PLCH2: variants seen among roughly 807,000 people sequenced by gnomAD.
PLCH2 encodes the protein phospholipase C eta 2.
PLCH2 carries 98 observed loss-of-function variants against 134.7 expected under a neutral mutation model. The observed-to-expected ratio is 0.73, with a 90% CI of 0.62 to 0.86. The LOEUF (loss-of-function observed/expected upper bound fraction) is 0.86, where lower values mean the gene tolerates loss of function less well. Ranked by LOEUF, PLCH2 falls within the 40% of genes least tolerant of loss-of-function variation. The pLI is 0.00. For synonymous variants in PLCH2, 974 were observed against 827.5 expected, an observed-to-expected ratio of 1.18 and a Z score of -3.04; for missense variants, 1,994 against 1,986.6, an observed-to-expected ratio of 1.00 and a Z score of -0.07.
At chr1:2,421,258 C>A (rs1160421982), upstream of PLCH2, among the ~76,000 whole-genome samples, 1 of 152,066 alleles carries the variant, frequency 6.6e-6, no homozygotes, top group Non-Finnish European at 1.5e-5. Flanking sequence ...ACACTCTTAG[C>A]AGCTGTTGAG....
rs1642185246 is a variant in PLCH2, at chr1:2,484,469, C to A, written c.667C>A (p.Gln223Lys). The change falls in exon 5 of 22, where the codon CAA (glutamine) becomes AAA (lysine). Residue 223 changes from glutamine to lysine, a missense_variant. Gln to Lys is a moderately conservative substitution (Grantham distance 53). Coordinates refer to ENST00000378486, the MANE Select transcript of PLCH2 (RefSeq NM_014638.4). ...GCAGGAAGCGGACACGGATGACCAC[C>A]AAGGGACGCTGGGTTTTGAAGAGTT... is the stretch of plus-strand genomic sequence containing the variant. ...MFREADTDDH[Q>K]GTLGFEEFCA... is the part of the protein sequence containing the mutation. 2 of 1,613,162 alleles carry A rather than the reference C, an allele frequency of 1.2e-6. No homozygotes were observed. The highest frequency in any genetic ancestry group is 2.2e-5 in the South Asian group (2 of 91,080).
At chr1:2,452,189 T>G (rs569235769) in intron 2 of PLCH2, among the ~76,000 whole-genome samples, 2 of 152,214 alleles carry the variant, frequency 1.3e-5, no homozygotes, top group South Asian at 4.1e-4. Flanking sequence ...AGAAGGACGG[T>G]GGAGGCTGAG....
intron 2 of PLCH2, among the ~76,000 whole-genome samples, chr1:2,443,897 G>A (rs1389082470): frequency 1.3e-5 from 2 of 151,282 alleles, no homozygotes; most frequent in East Asian, 1.9e-4. Flanking sequence ...CGCAGCCCCC[G>A]CCCCCGCCGC....
chr1:2,505,016 C>A lies in PLCH2; in HGVS notation c.4054C>A (p.Arg1352=), dbSNP rs748068324. 3.9e-6 allele frequency: 6 copies of A among 1,542,276 alleles called. No homozygotes were observed. Among genetic ancestry groups the A allele is most frequent in the Non-Finnish European group, 5.2e-6 (6 of 1,150,458 alleles). The change falls in exon 22 of 22, where the codon CGG becomes AGG. Residue 1352 remains arginine, a synonymous_variant. Coordinates refer to ENST00000378486, the MANE Select transcript of PLCH2 (RefSeq NM_014638.4). ...CAGCCGCGTGCGTGCCATTGCCAGCCGGGCCCGCCAGGCCCAGGAGCGGCA... is the reference window on the plus strand; with the variant it reads ...CAGCCGCGTGCGTGCCATTGCCAGCAGGGCCCGCCAGGCCCAGGAGCGGCA... ...SHSRVRAIAS[R]ARQAQERQQR... is the part of the protein sequence containing the mutation.
upstream of PLCH2, among the ~76,000 whole-genome samples, chr1:2,424,758 C>T (rs192035404): frequency 1.3e-3 from 200 of 151,998 alleles, no homozygotes; most frequent in African/African-American, 2.5e-3. Context: ...GAGGCCAAGG[C>T]GGGCGGATCA....
At position 2,431,464 on chromosome 1, in the gene PLCH2, G is replaced by C. The variant is rs552653590; in HGVS notation, c.115+835G>C. 4.6e-5 allele frequency among the ~76,000 whole-genome samples: 7 copies of C among 152,298 alleles called. No homozygotes were observed. The South Asian group carries it at 1.5e-3, about 32-fold the overall frequency. On this transcript the variant is annotated intron_variant, in intron 2 of 3. Coordinates refer to the PLCH2 transcript ENST00000609981. ...CTGAGGGTGGAGCTGCGCCTGGGGA[G>C]CTGCACACAGCCCCTGCCGGGCTTG... is the stretch of plus-strand genomic sequence containing the variant.
At chr1:2,495,407 G>A in intron 12 of PLCH2, 81 bp from the exon 13 acceptor site, 1 of 1,205,124 alleles carries the variant, frequency 8.3e-7, no homozygotes, top group Non-Finnish European at 1.2e-6. Context: ...CGGAGGATAG[G>A]CCCTCCCCAA....
upstream of PLCH2, among the ~76,000 whole-genome samples, chr1:2,463,600 G>A (rs1640925060): frequency 6.6e-6 from 1 of 152,248 alleles, no homozygotes; most frequent in East Asian, 1.9e-4. Context: ...TCAGGGCTCT[G>A]CTCCTGGAGG....
intron 20 of PLCH2, chr1:2,501,305 TCTGCGCC>T (rs1643213287): frequency 6.6e-6 from 1 of 152,194 alleles, no homozygotes; most frequent in Non-Finnish European, 1.5e-5. Context: ...CCCTCTGGCC[TCTGCGCC>T]CTGGAGATGC....
chr1:2,489,487 G>A (rs1642451085), intron 9 of PLCH2, 109 bp downstream of exon 9: 3 of 1,189,652 alleles, frequency 2.5e-6, no homozygotes, highest in South Asian at 2.8e-5. Context: ...GGCATATCTA[G>A]GGGGCTGAGG....
rs768413661 is a variant in PLCH2, at chr1:2,499,726, T to C, written c.2661+6T>C. On this transcript the variant is annotated splice_donor_region_variant and intron_variant, in intron 20 of 21. Coordinates refer to ENST00000378486, the MANE Select transcript of PLCH2 (RefSeq NM_014638.4). ...TCAGTGACATCAGCGGTAAGGTGAGTGTCACCCCCTGCCACCAGCCATCAT... is the reference window on the plus strand; with the variant it reads ...TCAGTGACATCAGCGGTAAGGTGAGCGTCACCCCCTGCCACCAGCCATCAT... The C allele has an allele frequency of 2.6e-6, 4 of 1,568,420 alleles. No individual in the cohort carries two copies. Among genetic ancestry groups the C allele is most frequent in the Admixed American group, 3.7e-5 (2 of 53,998 alleles).
intron 2 of PLCH2, among the ~76,000 whole-genome samples, chr1:2,451,336 G>C (rs775562859): frequency 6.6e-6 from 1 of 152,342 alleles, no homozygotes; most frequent in Admixed American, 6.5e-5. Context: ...ACGCAGTAGC[G>C]TCTCCGAGGG....
Position 2,486,960 on chromosome 1 carries a change from A to G in PLCH2, c.870A>G (p.Pro290=). 6.2e-7 allele frequency: 1 copy of G among 1,608,064 alleles called. No homozygotes were observed. Among genetic ancestry groups the G allele is most frequent in the Non-Finnish European group, 8.5e-7 (1 of 1,177,472 alleles). Residue 290 remains proline, a synonymous_variant, in exon 6 of 22, where the codon CCA becomes CCG. Coordinates refer to ENST00000378486, the MANE Select transcript of PLCH2 (RefSeq NM_014638.4). The stretch of plus-strand genomic sequence containing the variant: ...AGGACATCATCGAGCAGTTTGAGCC[A>G]TGCCCAGAAAACAAGAGTAAGGGGC... ...SCQDIIEQFE[P]CPENKSKGLL...
upstream of PLCH2, among the ~76,000 whole-genome samples, chr1:2,472,860 G>A (rs1363686187): frequency 6.6e-6 from 1 of 152,136 alleles, no homozygotes; most frequent in African/African-American, 2.4e-5. Context: ...CAGTCCCCAT[G>A]CCCCTGTCGT....
At chr1:2,500,065 G>A (rs1643131038) in intron 20 of PLCH2, 3 of 388,580 alleles carry the variant, frequency 7.7e-6, no homozygotes, top group South Asian at 7.4e-5. Context: ...TGGCTTCTCA[G>A]CAGGGACCGA....
At position 2,427,505 on chromosome 1, in the gene PLCH2, A is replaced by T. The variant is rs10797423; in HGVS notation, c.-178+1468A>T. Among the ~76,000 whole-genome samples, 19 of 152,084 alleles carry T rather than the reference A, an allele frequency of 1.2e-4. No homozygotes were observed. The East Asian group carries it at 3.7e-3, about 30-fold the overall frequency. On this transcript the variant is annotated intron_variant, in intron 1 of 3. Coordinates refer to the PLCH2 transcript ENST00000609981. ...GGGCCTCAGGCCAGGAGGGAGAGGG[A>T]GCCCCTCTGTGACATCTTTCCTGGA... is the stretch of plus-strand genomic sequence containing the variant.
At chr1:2,453,789 G>T (rs1375948436) in intron 2 of PLCH2, among the ~76,000 whole-genome samples, 1 of 152,202 alleles carries the variant, frequency 6.6e-6, no homozygotes, top group Non-Finnish European at 1.5e-5. Context: ...CCAGCCCTGG[G>T]TCCAGCCTGG....
At chr1:2,453,386 C>T (rs1006473628) in intron 2 of PLCH2, among the ~76,000 whole-genome samples, 7 of 152,210 alleles carry the variant, frequency 4.6e-5, no homozygotes, top group East Asian at 1.9e-4. Context: ...GGATGGCAGG[C>T]GGTGCAGGGG....
rs774051786 is a variant in PLCH2, at chr1:2,494,955, C to T, written c.1752+7C>T. 4.4e-6 allele frequency: 7 copies of T among 1,574,560 alleles called. No individual in the cohort carries two copies. Among genetic ancestry groups the T allele is most frequent in the East Asian group, 2.3e-5 (1 of 43,626 alleles). On this transcript the variant is annotated splice_region_variant and intron_variant, in intron 12 of 21. Transcript: ENST00000378486. ...AAGCTTCTCCAGGCGCAAGGTCCGG[C>T]GCAGCTCCCAGGCCAGGGTCCCGGT... is the stretch of plus-strand genomic sequence containing the variant.
Sources: gnomAD v4.1 joint callset for allele counts (sites outside exome capture counted in the v4.1 genomes callset) on GRCh38, gnomAD v4.1.1 for gene constraint, MANE v1.5 for transcripts, NCBI Gene and HGNC (gene_info 2026-07-23, HGNC 2026-07-21) for gene names.